The following SLC36A1 variants were observed in gnomAD, a reference collection of about 807,000 sequenced individuals.
SLC36A1 encodes the protein proton-coupled amino acid transporter 1.
Under a neutral mutation model 47.5 loss-of-function variants are expected in SLC36A1, and 30 were observed. That is an observed-to-expected ratio of 0.63 (90% CI 0.47 to 0.86). The LOEUF (loss-of-function observed/expected upper bound fraction) is 0.86, where lower values mean the gene tolerates loss of function less well. Among genes scored for constraint, SLC36A1 ranks in the 40% least tolerant of loss-of-function variants. The pLI is 0.00. For synonymous variants in SLC36A1, 255 were observed against 249.7 expected, an observed-to-expected ratio of 1.02 and a Z score of -0.20; for missense variants, 517 against 606.0, an observed-to-expected ratio of 0.85 and a Z score of 1.54.
the SLC36A1 span, among the ~76,000 whole-genome samples, chr5:151,501,093 T>A: frequency 1.3e-5 from 2 of 152,204 alleles, no homozygotes; most frequent in African/African-American, 4.8e-5. Flanking sequence ...CCCCTGGAAT[T>A]CCGGCTGTGA....
the SLC36A1 span, among the ~76,000 whole-genome samples, chr5:151,500,454 G>A: frequency 7.9e-5 from 12 of 152,244 alleles, no homozygotes; most frequent in African/African-American, 2.2e-4. Context: ...TGCAAACTCC[G>A]TCTCCTGGGT....
the SLC36A1 span, chr5:151,531,562 G>T: frequency 6.2e-7 from 1 of 1,611,294 alleles, no homozygotes; most frequent in Admixed American, 1.7e-5. The surrounding 1 kb of genome is among the most constrained non-coding windows in gnomAD (Gnocchi z 5.7). Context: ...GCGATGCTTT[G>T]GGGCTTGGTG....
the SLC36A1 span, chr5:151,543,835 C>T: frequency 6.2e-7 from 1 of 1,613,964 alleles, no homozygotes; most frequent in Non-Finnish European, 8.5e-7. Flanking sequence ...TCCCGATGAG[C>T]TGTTAATGAA....
At chr5:151,348,779 T>C in the SLC36A1 span, among the ~76,000 whole-genome samples, 1 of 152,232 alleles carries the variant, frequency 6.6e-6, no homozygotes, top group Non-Finnish European at 1.5e-5. Context: ...AATAACTTGC[T>C]GGAGGTCACA....
intron 7 of SLC36A1, among the ~76,000 whole-genome samples, chr5:151,472,556 T>G (rs558090440): frequency 6.6e-6 from 1 of 152,332 alleles, no homozygotes; most frequent in South Asian, 2.1e-4. Context: ...GTTGCCCTTT[T>G]TCTGGCCCAT....
the SLC36A1 span, among the ~76,000 whole-genome samples, chr5:151,427,437 G>T: frequency 3.9e-5 from 6 of 152,162 alleles, no homozygotes; most frequent in African/African-American, 1.4e-4. Flanking sequence ...CACCTGTTCT[G>T]GCAACCACCA....
chr5:151,505,435 G>GACA, the SLC36A1 span: 1 of 1,124,328 alleles, frequency 8.9e-7, no homozygotes, highest in African/African-American at 1.6e-5. Flanking sequence ...CATTTCAAGG[G>GACA]ACAACAGCCT....
chr5:151,521,485 A>G, the SLC36A1 span: 1 of 1,614,238 alleles, frequency 6.2e-7, no homozygotes, highest in Non-Finnish European at 8.5e-7. Context: ...TGAGTGAGTG[A>G]TGATGGATGC....
At chr5:151,426,876 C>T in the SLC36A1 span, among the ~76,000 whole-genome samples, 16 of 152,302 alleles carry the variant, frequency 1.1e-4, no homozygotes, top group East Asian at 3.1e-3. Context: ...GTACTCGAGA[C>T]TGGAGAATGG....
At chr5:151,507,416 G>A in the SLC36A1 span, 19 of 1,614,072 alleles carry the variant, frequency 1.2e-5, no homozygotes, top group African/African-American at 2.1e-4. Flanking sequence ...TGGCCAGGAG[G>A]TCTGGGTCCT....
chr5:151,426,752 C>T, the SLC36A1 span, among the ~76,000 whole-genome samples: 2 of 152,188 alleles, frequency 1.3e-5, no homozygotes, highest in Admixed American at 6.5e-5. Flanking sequence ...TCAGGTCTTT[C>T]CCTTCCCACG....
chr5:151,539,790 T>A, the SLC36A1 span, among the ~76,000 whole-genome samples: 1 of 152,238 alleles, frequency 6.6e-6, no homozygotes. Context: ...GCTCCTCTCC[T>A]GACAAACACA....
At chr5:151,526,057 C>G in the SLC36A1 span, 1 of 1,209,844 alleles carries the variant, frequency 8.3e-7, no homozygotes, top group Non-Finnish European at 1.2e-6. Context: ...GGAATGAGTC[C>G]TCAGCACTCT....
the SLC36A1 span, among the ~76,000 whole-genome samples, chr5:151,377,179 T>C: frequency 2.0e-5 from 3 of 152,128 alleles, no homozygotes; most frequent in South Asian, 6.2e-4. Context: ...TAAGAATGTA[T>C]ACTCTGCAAT....
At chr5:151,500,583 GT>G in the SLC36A1 span, among the ~76,000 whole-genome samples, 1 of 152,182 alleles carries the variant, frequency 6.6e-6, no homozygotes, top group South Asian at 2.1e-4. Flanking sequence ...GGCCAGGTTG[GT>G]CTCGAACTCC....
At chr5:151,505,758 C>A in the SLC36A1 span, 1 of 1,613,484 alleles carries the variant, frequency 6.2e-7, no homozygotes, top group Non-Finnish European at 8.5e-7. Flanking sequence ...GCAGGGCCCT[C>A]CCCCTCCCTG....
At chr5:151,390,604 C>G in the SLC36A1 span, among the ~76,000 whole-genome samples, 5 of 152,260 alleles carry the variant, frequency 3.3e-5, no homozygotes, top group East Asian at 9.6e-4. Context: ...GGAAGGGATC[C>G]AGTTTCAGCT....
At chr5:151,367,361 A>ATATTTTTTTTTTTTTTTT in the SLC36A1 span, among the ~76,000 whole-genome samples, 13 of 118,844 alleles carry the variant, frequency 1.1e-4, no homozygotes, top group African/African-American at 4.5e-4. Flanking sequence ...CCAGGAATGC[A>ATATTTTTTTTTTTTTTTT]TTTTTTTTTT....
the SLC36A1 span, among the ~76,000 whole-genome samples, chr5:151,351,123 C>T: frequency 6.6e-6 from 1 of 152,120 alleles, no homozygotes; most frequent in African/African-American, 2.4e-5. Flanking sequence ...ACAGTCAGTG[C>T]CCAGAGAGGA....
Sources: gnomAD v4.1 joint callset for allele counts (sites outside exome capture counted in the v4.1 genomes callset) on GRCh38, gnomAD v4.1.1 for gene constraint, Gnocchi (gnomAD v3.1) non-coding constraint, MANE v1.5 for transcripts, NCBI Gene and HGNC (gene_info 2026-07-23, HGNC 2026-07-21) for gene names.